Variants in GLG1 observed in about 807,000 individuals in gnomAD.
GLG1 encodes the protein Golgi apparatus protein 1.
In GLG1, 38 loss-of-function variants were observed where a neutral mutation model predicts 160.5. The ratio of observed to expected loss-of-function variants is 0.24; its 90% CI spans 0.18 to 0.31. The LOEUF is 0.31. GLG1 is among the 10% of genes least tolerant of loss of function. The pLI is 1.00. For synonymous variants in GLG1, 644 were observed against 543.4 expected (o/e 1.19, Z -2.57); for missense variants, 1,373 against 1,505.2 (o/e 0.91, Z 1.45).
At chr16:74,560,340 T>C (rs2018475719) in intron 1 of GLG1, among the ~76,000 whole-genome samples, 1 of 149,540 alleles carries the variant, frequency 6.7e-6, no homozygotes, top group Non-Finnish European at 1.5e-5. Flanking sequence ...TTTTTTTTTT[T>C]TTTTTGAGAC....
At chr16:74,520,504 C>T (rs915027981) in intron 2 of GLG1, among the ~76,000 whole-genome samples, 1 of 152,116 alleles carries the variant, frequency 6.6e-6, no homozygotes, top group African/African-American at 2.4e-5. Context: ...GGCGTGGTGG[C>T]GCATGCCTGT....
At chr16:74,459,342 G>A (rs1264052124) in intron 23 of GLG1, among the ~76,000 whole-genome samples, 1 of 152,188 alleles carries the variant, frequency 6.6e-6, no homozygotes, top group Non-Finnish European at 1.5e-5. Context: ...GTCAGGCGTG[G>A]TGGCGGGCGC....
intron 1 of GLG1, among the ~76,000 whole-genome samples, chr16:74,585,868 G>T (rs1350147182): frequency 1.3e-5 from 2 of 152,074 alleles, no homozygotes; most frequent in South Asian, 4.1e-4. Context: ...TTCAAGACCA[G>T]CCTGGCCATT....
intron 12 of GLG1, among the ~76,000 whole-genome samples, chr16:74,476,804 G>A (rs78295593): frequency 0.016 from 2,381 of 152,254 alleles, 59 homozygotes; most frequent in African/African-American, 0.054. Flanking sequence ...GTAAGGGAAT[G>A]TATACACTTA....
chr16:74,516,489 G>C (rs139621169), intron 2 of GLG1, among the ~76,000 whole-genome samples: 9,960 of 152,218 alleles, frequency 0.065, 439 homozygotes, highest in Non-Finnish European at 0.1. Flanking sequence ...CAGAAATAAG[G>C]ATGTTCTTTG....
intron 5 of GLG1, 98 bp downstream of exon 5, chr16:74,496,343 T>C: frequency 1.2e-6 from 1 of 853,560 alleles, no homozygotes; most frequent in East Asian, 2.7e-5. Context: ...ATAGCAAGAC[T>C]CAATCTCTCA....
chr16:74,534,987 T>C lies in GLG1; in HGVS notation c.439-2834A>G, dbSNP rs563719368. The stretch of plus-strand genomic sequence containing the variant: ...AGCAGAGGATTTAAATGTGCCTGGG[T>C]AGTTTGGCCTGTATTCCTGCACCCC... On this transcript the variant is annotated intron_variant, in intron 1 of 25. Transcript: ENST00000422840. Among the ~76,000 whole-genome samples the C allele has an allele frequency of 6.6e-5, 10 of 152,270 alleles. No homozygotes were observed. The South Asian group carries it at 2.1e-3, about 32-fold the overall frequency.
At chr16:74,533,145 C>G (rs1279005391) in intron 1 of GLG1, among the ~76,000 whole-genome samples, 1 of 151,890 alleles carries the variant, frequency 6.6e-6, no homozygotes, top group South Asian at 2.1e-4. Flanking sequence ...ACAGTGAAAC[C>G]CTGTCCCTAC....
At chr16:74,501,075 C>A (rs1043602205) in intron 4 of GLG1, among the ~76,000 whole-genome samples, 1 of 152,200 alleles carries the variant, frequency 6.6e-6, no homozygotes, top group Non-Finnish European at 1.5e-5. Flanking sequence ...TTGAAACTGA[C>A]AAGCCTGTTG....
At position 74,450,973 on chromosome 16, in the gene GLG1, T is replaced by A. The variant is rs1192557170; in HGVS notation, c.*2194A>T. Reference sequence around the variant, plus strand: ...AGAAATATCAACACAATTAGAACTATAAGGGTGTTTACGCATACTGGGAAG... The same window carrying A: ...AGAAATATCAACACAATTAGAACTAAAAGGGTGTTTACGCATACTGGGAAG... On this transcript the variant is annotated 3_prime_UTR_variant, in exon 26 of 26. Coordinates refer to ENST00000422840, the MANE Select transcript of GLG1 (RefSeq NM_001145667.2). 2.0e-5 allele frequency: 3 copies of A among 152,074 alleles called. No homozygotes were observed. Among genetic ancestry groups the A allele is most frequent in the African/African-American group, 7.2e-5 (3 of 41,392 alleles). The allele number at this position is 152,074 out of a possible 1,614,324, so 9.4% of individuals were successfully genotyped here. A position where few individuals can be genotyped will look rare whatever the true frequency, so the allele number is the denominator to read the frequency against.
intron 1 of GLG1, among the ~76,000 whole-genome samples, chr16:74,595,466 G>C (rs572114971): frequency 1.6e-4 from 25 of 152,218 alleles, no homozygotes; most frequent in African/African-American, 5.3e-4. Flanking sequence ...GAACCCAGGA[G>C]GCAGAGCTTG....
At chr16:74,472,651 G>C (rs1224061086) in intron 13 of GLG1, 3 of 1,057,894 alleles carry the variant, frequency 2.8e-6, no homozygotes, top group Non-Finnish European at 2.7e-6. Flanking sequence ...AAATGAGAAG[G>C]CAGAATTAAG....
intron 13 of GLG1, chr16:74,474,265 C>G (rs1439090702): frequency 3.3e-6 from 1 of 304,406 alleles, no homozygotes; most frequent in Non-Finnish European, 6.2e-6. Flanking sequence ...CAGCTGCTAT[C>G]TTAAGGGAGA....
At chr16:74,560,988 A>T (rs2018496677) in intron 1 of GLG1, among the ~76,000 whole-genome samples, 1 of 152,250 alleles carries the variant, frequency 6.6e-6, no homozygotes, top group Non-Finnish European at 1.5e-5. Context: ...TTTCAAATTG[A>T]ATGAATTTTT....
At chr16:74,546,610 G>T (rs2018052878) in intron 1 of GLG1, among the ~76,000 whole-genome samples, 1 of 151,800 alleles carries the variant, frequency 6.6e-6, no homozygotes, top group African/African-American at 2.4e-5. Context: ...GCCAAGGCAA[G>T]GCGGATCACC....
intron 18 of GLG1, 96 bp from the exon 19 acceptor site, chr16:74,465,909 T>A: frequency 9.8e-7 from 1 of 1,021,182 alleles, no homozygotes; most frequent in South Asian, 1.4e-5. Context: ...GCCTCCCATT[T>A]CTTTATCCAT....
chr16:74,554,394 C>G (rs2018295341), intron 1 of GLG1, among the ~76,000 whole-genome samples: 1 of 152,134 alleles, frequency 6.6e-6, no homozygotes, highest in Admixed American at 6.5e-5. Context: ...ATTAGCTAGG[C>G]GCGGTGGTGG....
chr16:74,537,796 T>C (rs931642791), intron 1 of GLG1, among the ~76,000 whole-genome samples: 2 of 144,728 alleles, frequency 1.4e-5, no homozygotes, highest in Non-Finnish European at 3.0e-5. Flanking sequence ...TTCACCTTAA[T>C]CTCTCCTAGT....
intron 9 of GLG1, 122 bp downstream of exon 9, chr16:74,485,674 A>C (rs1236542929): frequency 1.2e-6 from 1 of 833,924 alleles, no homozygotes; most frequent in South Asian, 1.7e-5. Flanking sequence ...GTGTATGTTC[A>C]ACTTGTTCAA....
Sources: allele counts gnomAD v4.1 joint callset (sites outside exome capture counted in the v4.1 genomes callset), GRCh38; gene constraint gnomAD v4.1.1; transcripts MANE v1.5; gene names NCBI Gene and HGNC (gene_info 2026-07-23, HGNC 2026-07-21).